Variants in C16orf89 observed in about 807,000 individuals in gnomAD.
C16orf89 encodes chromosome 16 open reading frame 89.
A neutral mutation model predicts 41.5 loss-of-function variants in C16orf89; 57 were observed. That is an observed-to-expected ratio of 1.38 (90% CI 1.11 to 1.71). The LOEUF (loss-of-function observed/expected upper bound fraction) is 1.71. Ranked by LOEUF, C16orf89 falls within the 40% of genes most tolerant of loss-of-function variation. The pLI, the probability that C16orf89 is intolerant of heterozygous loss-of-function variation, is 0.00. For synonymous variants in C16orf89, 223 were observed against 190.6 expected, an observed-to-expected ratio of 1.17 and a Z score of -1.40; for missense variants, 575 against 445.9, an observed-to-expected ratio of 1.29 and a Z score of -2.61.
chr16:5,049,276 C>T (rs917800926), intron 6 of C16orf89, among the ~76,000 whole-genome samples: 1 of 152,210 alleles, frequency 6.6e-6, no homozygotes, highest in African/African-American at 2.4e-5. Flanking sequence ...ACACCTTGCT[C>T]TCAGCATTGG....
chr16:5,051,766 A>C (rs1038476346), intron 6 of C16orf89, among the ~76,000 whole-genome samples: 1 of 152,254 alleles, frequency 6.6e-6, no homozygotes. Flanking sequence ...AGCTGGAAGC[A>C]TCACATTACT....
intron 7 of C16orf89, among the ~76,000 whole-genome samples, chr16:5,045,683 G>C (rs949563344): frequency 6.6e-6 from 1 of 152,166 alleles, no homozygotes; most frequent in Non-Finnish European, 1.5e-5. Flanking sequence ...CAACAGTTTG[G>C]TGCCCATTTT....
At chr16:5,065,591 C>T in intron 1 of C16orf89, 110 bp downstream of exon 1, 4 of 1,280,900 alleles carry the variant, frequency 3.1e-6, no homozygotes, top group Non-Finnish European at 4.3e-6. Context: ...CCGAGGCAGG[C>T]TATACTGGGG....
intron 6 of C16orf89, among the ~76,000 whole-genome samples, chr16:5,050,351 G>A (rs1379219922): frequency 4.0e-5 from 6 of 151,802 alleles, no homozygotes; most frequent in Admixed American, 3.9e-4. Context: ...TTGGGTGACA[G>A]AGCAAGACTC....
At chr16:5,062,288 G>C in intron 2 of C16orf89, 137 bp downstream of exon 2, 1 of 1,121,872 alleles carries the variant, frequency 8.9e-7, no homozygotes, top group African/African-American at 1.6e-5. Context: ...TCTGTGGCTT[G>C]CTCAGCAGAC....
intron 6 of C16orf89, among the ~76,000 whole-genome samples, chr16:5,054,189 T>A (rs908089125): frequency 6.6e-6 from 1 of 152,232 alleles, no homozygotes; most frequent in African/African-American, 2.4e-5. Context: ...GGAGCTGCCG[T>A]GTACCTGGCA....
intron 2 of C16orf89, among the ~76,000 whole-genome samples, chr16:5,061,464 G>A (rs1332202963): frequency 8.5e-5 from 3 of 35,248 alleles, no homozygotes; most frequent in African/African-American, 1.1e-4. Flanking sequence ...AAAAAAGAGA[G>A]ACAGAGTGAG....
chr16:5,055,991 G>A (rs1956493062), intron 5 of C16orf89, 62 bp downstream of exon 5: 2 of 1,038,858 alleles, frequency 1.9e-6, no homozygotes, highest in African/African-American at 3.8e-5. Context: ...GTGTGTGTGT[G>A]TGTGTGTGTT....
chr16:5,045,209 G>A (rs1424525217), intron 7 of C16orf89, among the ~76,000 whole-genome samples: 2 of 152,206 alleles, frequency 1.3e-5, no homozygotes, highest in Admixed American at 6.5e-5. Context: ...CCCAGGTCCT[G>A]TGTAAGACCT....
chr16:5,044,085 T>C, downstream of C16orf89: 1 of 1,131,208 alleles, frequency 8.8e-7, no homozygotes, highest in African/African-American at 1.6e-5. Flanking sequence ...TTGTCCAAGG[T>C]TGTCCTCAAA....
At chr16:5,046,893 T>A (rs1373430855) in intron 7 of C16orf89, among the ~76,000 whole-genome samples, 2 of 152,188 alleles carry the variant, frequency 1.3e-5, no homozygotes, top group Non-Finnish European at 2.9e-5. Context: ...AGGGCACTAT[T>A]CATAATGGCT....
intron 6 of C16orf89, among the ~76,000 whole-genome samples, 199 bp from the exon 7 acceptor site, chr16:5,048,163 G>A (rs137951858): frequency 0.012 from 1,882 of 152,102 alleles, 25 homozygotes; most frequent in Non-Finnish European, 0.021. Context: ...CAAGTAGCTC[G>A]GACTACAGGC....
chr16:5,044,349 C>T lies in C16orf89; in HGVS notation c.1085G>A (p.Ter362=). The change falls in exon 8 of 8, where the codon TGA becomes TAA. Residue 362 remains the stop codon, a stop_retained_variant. Transcript: ENST00000472572. ...GCAGCTGGCATGGAACCGTCCGTCT[C>T]AGCGGCTGCTTGGTGGTGGCGGTGT... is the stretch of plus-strand genomic sequence containing the variant. ...PSTPPPPSSR[*] 6.2e-7 allele frequency: 1 copy of T among 1,602,168 alleles called. No individual in the cohort carries two copies. Among genetic ancestry groups the T allele is most frequent in the Admixed American group, 1.7e-5 (1 of 58,574 alleles).
intron 6 of C16orf89, 23 bp downstream of exon 6, chr16:5,055,223 G>A: frequency 7.7e-6 from 12 of 1,550,196 alleles, no homozygotes; most frequent in Non-Finnish European, 1.1e-5. Flanking sequence ...CCCCTTCTTA[G>A]CCAGGGCAGC....
chr16:5,062,630 C>A lies in C16orf89; in HGVS notation c.209-56G>T, dbSNP rs1596706972. 8.0e-6 allele frequency: 12 copies of A among 1,491,082 alleles called. No individual in the cohort carries two copies. In the East Asian group the frequency reaches 2.3e-4, roughly 29 times the overall value. 92.4% of individuals were successfully genotyped at this position (1,491,082 alleles called of 1,614,324 possible). On this transcript the variant is annotated intron_variant, in intron 1 of 7. Coordinates refer to ENST00000472572, the MANE Select transcript of C16orf89 (RefSeq NM_001098514.3). The stretch of plus-strand genomic sequence containing the variant: ...TATTTGGAATCGGGACCTTTTTTTG[C>A]CTTGGAACAAGAAAAAAAAATGCCC...
chr16:5,055,856 T>C (rs1193876856), intron 5 of C16orf89, 197 bp downstream of exon 5: 4 of 1,286,056 alleles, frequency 3.1e-6, no homozygotes, highest in Non-Finnish European at 4.3e-6. Context: ...GATAAACTTA[T>C]ACTAAAAATG....
chr16:5,052,253 A>G (rs1426795990), intron 6 of C16orf89, among the ~76,000 whole-genome samples: 1 of 152,164 alleles, frequency 6.6e-6, no homozygotes, highest in Non-Finnish European at 1.5e-5. Context: ...TCAAACCACA[A>G]TGAGATAGCA....
Position 5,045,785 on chromosome 16 carries a change from C to A in C16orf89, c.956-1307G>T, listed in dbSNP as rs1567149296. On this transcript the variant is annotated intron_variant, in intron 7 of 7. Coordinates refer to ENST00000472572, the MANE Select transcript of C16orf89 (RefSeq NM_001098514.3). Reference sequence around the variant, plus strand: ...GACTCGAACCCACACAACCTGACCTCAAACCCTGTGCTCCTAATCTCTACA... The same window carrying A: ...GACTCGAACCCACACAACCTGACCTAAAACCCTGTGCTCCTAATCTCTACA... Among the ~76,000 whole-genome samples, 4 of 152,210 alleles carry A rather than the reference C, an allele frequency of 2.6e-5. No homozygotes were observed. In the East Asian group the frequency reaches 5.8e-4, roughly 22 times the overall value.
intron 7 of C16orf89, among the ~76,000 whole-genome samples, chr16:5,047,260 T>G (rs1168511284): frequency 1.3e-5 from 2 of 152,164 alleles, no homozygotes; most frequent in African/African-American, 4.8e-5. Flanking sequence ...TCTGGGTTTT[T>G]CCACCTTTTC....
Sources: allele counts gnomAD v4.1 joint callset (sites outside exome capture counted in the v4.1 genomes callset), GRCh38; gene constraint gnomAD v4.1.1; transcripts MANE v1.5; gene names NCBI Gene and HGNC (gene_info 2026-07-23, HGNC 2026-07-21).